Variants in PEX1 observed in about 807,000 individuals in gnomAD.
The protein encoded by PEX1 is peroxisomal ATPase PEX1.
PEX1 carries 97 observed loss-of-function variants against 152.5 expected under a neutral mutation model. The observed-to-expected ratio is 0.64, with a 90% CI of 0.54 to 0.75. PEX1 has a LOEUF of 0.75. Ranked by LOEUF, PEX1 falls within the 30% of genes least tolerant of loss-of-function variation. The probability of loss-of-function intolerance (pLI) is 0.00; values close to 1 mark genes in which losing one functional copy is unlikely to be tolerated. For missense variants in PEX1, 1,357 were observed against 1,516.3 expected (o/e 0.89, Z 1.74); for synonymous variants, 485 against 531.6 (o/e 0.91, Z 1.21).
At chr7:92,527,843 A>T (rs1793358052) in intron 1 of PEX1, among the ~76,000 whole-genome samples, 1 of 152,240 alleles carries the variant, frequency 6.6e-6, no homozygotes, top group Non-Finnish European at 1.5e-5. Flanking sequence ...CCATCATTGT[A>T]TTAACCTTTC....
chr7:92,528,474 C>T lies in PEX1; in HGVS notation c.-39G>A. 1 of 1,539,464 alleles carries T rather than the reference C, an allele frequency of 6.5e-7. No homozygotes were observed. Among genetic ancestry groups the T allele is most frequent in the Non-Finnish European group, 8.7e-7 (1 of 1,143,946 alleles). On this transcript the variant is annotated 5_prime_UTR_variant, in exon 1 of 24. Transcript: ENST00000248633. ...CGCTCTGGGTTCGCCCACCCTAGCGCCGCAAAGGACCCGGGACCCGGCAGG... is the reference window on the plus strand; with the variant it reads ...CGCTCTGGGTTCGCCCACCCTAGCGTCGCAAAGGACCCGGGACCCGGCAGG...
At chr7:92,511,750 A>G (rs547268849) in intron 6 of PEX1, 47 bp from the exon 7 acceptor site, 2 of 1,550,768 alleles carry the variant, frequency 1.3e-6, no homozygotes, top group Non-Finnish European at 1.8e-6. Flanking sequence ...ATCTGAACTT[A>G]ACTTTAACAC....
chr7:92,494,051 A>ATT, intron 19 of PEX1: 2 of 464,120 alleles, frequency 4.3e-6, no homozygotes, highest in East Asian at 4.1e-5. Flanking sequence ...GGTTTCTTGC[A>ATT]TTTTTTTTTC....
intron 1 of PEX1, among the ~76,000 whole-genome samples, chr7:92,525,210 G>A (rs1185154519): frequency 1.3e-5 from 2 of 152,204 alleles, no homozygotes; most frequent in African/African-American, 4.8e-5. Context: ...GAGACAGCTA[G>A]AAAGGAGCGT....
chr7:92,499,239 A>G (rs1464944395), intron 16 of PEX1, among the ~76,000 whole-genome samples: 2 of 152,244 alleles, frequency 1.3e-5, no homozygotes, highest in African/African-American at 4.8e-5. Context: ...ATGAAAACAT[A>G]TCCGTGGAGA....
chr7:92,513,343 G>T (rs1192089075), intron 6 of PEX1, among the ~76,000 whole-genome samples: 2 of 152,198 alleles, frequency 1.3e-5, no homozygotes, highest in South Asian at 2.1e-4. Context: ...AACAAATGTG[G>T]TATATGCAGT....
intron 1 of PEX1, 52 bp from the exon 2 acceptor site, chr7:92,522,297 GATTCACATGAAAATAAACTATTATTACA>G: frequency 6.4e-7 from 1 of 1,554,230 alleles, no homozygotes; most frequent in Non-Finnish European, 8.8e-7. Context: ...CATTTTTCTG[GATTCACATGAAAATAAACTATTATTACA>G]ATTCACATGT....
intron 16 of PEX1, among the ~76,000 whole-genome samples, chr7:92,497,639 A>G (rs1791716690): frequency 6.6e-6 from 1 of 152,194 alleles, no homozygotes. Context: ...CAGAAGACCA[A>G]CTACTGATCA....
At chr7:92,498,862 G>GT (rs1791785669) in intron 16 of PEX1, among the ~76,000 whole-genome samples, 3 of 152,206 alleles carry the variant, frequency 2.0e-5, no homozygotes, top group African/African-American at 2.4e-5. Context: ...CCTGCCTCTA[G>GT]TTGTCTACTC....
intron 16 of PEX1, 91 bp downstream of exon 16, chr7:92,499,613 C>G: frequency 8.9e-7 from 1 of 1,118,360 alleles, no homozygotes; most frequent in Middle Eastern, 2.0e-4. Flanking sequence ...TGTGAATGCA[C>G]TAAATGCCAG....
In PEX1 at chr7:92,494,294, T is replaced by C; in HGVS notation, c.3029A>G (p.Gln1010Arg). 6.2e-7 allele frequency: 1 copy of C among 1,609,490 alleles called. No homozygotes were observed. Residue 1010 changes from glutamine (Q) to arginine (R), a missense_variant and splice_region_variant, in exon 19 of 24, where the codon CAG becomes CGG. Physicochemically the swap from Gln to Arg is conservative, Grantham distance 43 (BLOSUM62 1). Coordinates refer to ENST00000248633, the MANE Select transcript of PEX1 (RefSeq NM_000466.3). ...GGACTCTAAATATGAAATTGTCACC[T>C]GATCAGGAGGAGGACAGTATACACA... Reference protein sequence around the residue: ...DKCVYCPPPDQVSRLEILNVL... With the variant: ...DKCVYCPPPDRVSRLEILNVL...
Position 92,491,520 on chromosome 7 carries a change from A to G in PEX1, c.3208-18T>C. 16 of 1,453,758 alleles carry G rather than the reference A, an allele frequency of 1.1e-5. No homozygotes were observed. Among genetic ancestry groups the G allele is most frequent in the Non-Finnish European group, 1.5e-5 (16 of 1,034,576 alleles). 90.1% of individuals were successfully genotyped at this position (1,453,758 alleles called of 1,614,324 possible). On this transcript the variant is annotated intron_variant, in intron 20 of 23. Coordinates refer to ENST00000248633, the MANE Select transcript of PEX1 (RefSeq NM_000466.3). ...CTTCCATCCTAAAATACACAAAAGGACAACCAGTTTAAAGATGTAAACAAT... is the reference window on the plus strand; with the variant it reads ...CTTCCATCCTAAAATACACAAAAGGGCAACCAGTTTAAAGATGTAAACAAT...
intron 23 of PEX1, among the ~76,000 whole-genome samples, chr7:92,488,635 C>T (rs1791073428): frequency 6.6e-6 from 1 of 151,704 alleles, no homozygotes; most frequent in South Asian, 2.1e-4. Flanking sequence ...ATTTTGAAGG[C>T]AAAACAGGTA....
intron 19 of PEX1, chr7:92,493,965 C>G (rs796726323): frequency 1.3e-4 from 38 of 299,986 alleles, no homozygotes; most frequent in African/African-American, 8.1e-4. Context: ...GATTCTGTAT[C>G]AGAGTTTTTT....
At chr7:92,494,882 A>G (rs1791575632) in intron 17 of PEX1, among the ~76,000 whole-genome samples, 1 of 151,722 alleles carries the variant, frequency 6.6e-6, no homozygotes, top group Admixed American at 6.6e-5. Context: ...AGGCATATGA[A>G]ATTACCCTTG....
chr7:92,502,364 T>C (rs945583884), intron 13 of PEX1, among the ~76,000 whole-genome samples: 3 of 152,192 alleles, frequency 2.0e-5, no homozygotes, highest in Non-Finnish European at 4.4e-5. Flanking sequence ...TTAAATTATA[T>C]CTTAATAAAG....
intron 10 of PEX1, 77 bp from the exon 11 acceptor site, chr7:92,506,421 A>G: frequency 1.1e-6 from 1 of 905,990 alleles, no homozygotes. Context: ...GGCAACCACC[A>G]AGATTCAGCC....
chr7:92,507,310 C>A lies in PEX1; in HGVS notation c.1671-184G>T, dbSNP rs941068161. 2.8e-5 allele frequency: 15 copies of A among 533,084 alleles called. No homozygotes were observed. The East Asian group carries it at 5.1e-4, about 18-fold the overall frequency. 33.0% of individuals were successfully genotyped at this position (533,084 alleles called of 1,614,324 possible). ...CTGGAGCGCAGTGGTGTGAACCCAG[C>A]TCCCTGCAGCCTCAAACGCCCTGGC... is the stretch of plus-strand genomic sequence containing the variant. On this transcript the variant is annotated intron_variant, in intron 9 of 23. Transcript: ENST00000248633.
chr7:92,504,876 T>C lies in PEX1; in HGVS notation c.1927A>G (p.Thr643Ala), dbSNP rs202090906. 1.4e-5 allele frequency: 22 copies of C among 1,613,456 alleles called. No homozygotes were observed. Among genetic ancestry groups the C allele is most frequent in the East Asian group, 2.2e-5 (1 of 44,894 alleles). ...GCCTCTGAGAAAGCCACCTCTAGGG[T>C]TTTTTGTATGTTTTCAAGCCTTTTT... ...RGKRLENIQK[T>A]LEVAFSEAVW... The change falls in exon 12 of 24, where the codon ACC becomes GCC. Residue 643 changes from threonine to alanine, a missense_variant. Coordinates refer to ENST00000248633, the MANE Select transcript of PEX1 (RefSeq NM_000466.3).
Sources: gnomAD v4.1 joint callset for allele counts (sites outside exome capture counted in the v4.1 genomes callset) on GRCh38, gnomAD v4.1.1 for gene constraint, MANE v1.5 for transcripts, NCBI Gene and HGNC (gene_info 2026-07-23, HGNC 2026-07-21) for gene names.